CATSPERE: variants seen among roughly 807,000 people sequenced by gnomAD.
CATSPERE encodes cation channel sperm-associated auxiliary subunit epsilon.
A neutral mutation model predicts 114.1 loss-of-function variants in CATSPERE; 93 were observed. That is an observed-to-expected ratio of 0.81 (90% confidence interval 0.69 to 0.97). The LOEUF is 0.97. CATSPERE is among the 50% of genes least tolerant of loss of function. The probability of loss-of-function intolerance (pLI) is 0.00; values close to 1 mark genes in which losing one functional copy is unlikely to be tolerated. For missense variants in CATSPERE, 1,058 were observed against 1,131.6 expected, an observed-to-expected ratio of 0.93 and a Z score of 0.93; for synonymous variants, 341 against 384.1, an observed-to-expected ratio of 0.89 and a Z score of 1.31.
chr1:244,475,738 T>G (rs1322768263), intron 2 of CATSPERE, among the ~76,000 whole-genome samples: 1 of 151,820 alleles, frequency 6.6e-6, no homozygotes, highest in Non-Finnish European at 1.5e-5. Flanking sequence ...GGTTTCACCA[T>G]GTTGGCCAGG....
intron 20 of CATSPERE, among the ~76,000 whole-genome samples, chr1:244,632,400 A>AT (rs1478208665): frequency 1.3e-5 from 2 of 151,418 alleles, no homozygotes; most frequent in Non-Finnish European, 2.9e-5. Context: ...ACTCAAAAAA[A>AT]AAAAAAAAAT....
chr1:244,593,371 T>A, intron 15 of CATSPERE, 24 bp from the exon 16 acceptor site: 1 of 1,610,488 alleles, frequency 6.2e-7, no homozygotes, highest in Non-Finnish European at 8.5e-7. Context: ...GAAAGAGAAA[T>A]AATGAGGAAT....
Position 244,510,919 on chromosome 1 carries a change from C to T in CATSPERE, c.430-7673C>T, listed in dbSNP as rs1675649065. Among the ~76,000 whole-genome samples, 3 of 136,332 alleles carry T rather than the reference C, an allele frequency of 2.2e-5. No individual in the cohort carries two copies. The South Asian group carries it at 7.5e-4, about 34-fold the overall frequency. The allele number at this position is 136,332 out of a possible 152,430, so 89.4% of individuals were successfully genotyped here. A position where few individuals can be genotyped will look rare whatever the true frequency, so the allele number is the denominator to read the frequency against. On this transcript the variant is annotated intron_variant, in intron 7 of 21. Transcript: ENST00000366534. The stretch of plus-strand genomic sequence containing the variant: ...AGTGCAATGGCACCATCTTGGCTCA[C>T]TGCAACCTCCGCCTCCCAGGTTCAA...
Position 244,632,393 on chromosome 1 carries a change from C to CAAAAA in CATSPERE, c.2649-3084_2649-3080dup, listed in dbSNP as rs35948602. ...TGGGCAATAGAGTGAGACTCCAACT[C>CAAAAA]AAAAAAAAAAAAAAAATGAAAAAGA... is the stretch of plus-strand genomic sequence containing the variant. On this transcript the variant is annotated intron_variant, in intron 20 of 21. Coordinates refer to ENST00000366534, the MANE Select transcript of CATSPERE (RefSeq NM_001130957.2). Among the ~76,000 whole-genome samples the CAAAAA allele has an allele frequency of 2.6e-4, 28 of 109,380 alleles. No homozygotes were observed. The South Asian group carries it at 2.9e-3, about 11-fold the overall frequency. The allele number at this position is 109,380 out of a possible 152,430, so 71.8% of individuals were successfully genotyped here.
rs116711181 is a variant in CATSPERE at position 244,567,952 on chromosome 1, T to C, written c.1508-4378T>C. On this transcript the variant is annotated intron_variant, in intron 10 of 21. Coordinates refer to ENST00000366534, the MANE Select transcript of CATSPERE (RefSeq NM_001130957.2). ...TTTTTGAAATTTCAGTCTTTTTGCA[T>C]TGGTTTTTCTTCATCTTTGTGGATT... Among the ~76,000 whole-genome samples the C allele has an allele frequency of 1.0e-2, 1,518 of 152,258 alleles. 31 individuals carry two copies. Among genetic ancestry groups the C allele is most frequent in the African/African-American group, 0.034 (1,393 of 41,568 alleles).
chr1:244,562,258 AT>A (rs2148537024), intron 10 of CATSPERE, among the ~76,000 whole-genome samples: 1 of 152,212 alleles, frequency 6.6e-6, no homozygotes, highest in African/African-American at 2.4e-5. Flanking sequence ...TATAATAGAT[AT>A]AAAACGAATG....
chr1:244,568,414 C>A lies in CATSPERE; in HGVS notation c.1508-3916C>A, dbSNP rs1276390636. On this transcript the variant is annotated intron_variant, in intron 10 of 21. Coordinates refer to ENST00000366534, the MANE Select transcript of CATSPERE (RefSeq NM_001130957.2). This position sits in a 1 kb window ranked among gnomAD's most constrained non-coding sequence, Gnocchi z 4.4. ...CTTCTTCAGAGCTGGCTCACAGGAA[C>A]GTTTAAGTCTGCTGAAGCTGCGCCC... Among the ~76,000 whole-genome samples the A allele has an allele frequency of 6.6e-6, 1 of 152,330 alleles. No homozygotes were observed. The highest frequency in any genetic ancestry group is 1.5e-5 in the Non-Finnish European group (1 of 68,026).
chr1:244,632,250 C>T (rs1049340165), intron 20 of CATSPERE, among the ~76,000 whole-genome samples: 3 of 151,586 alleles, frequency 2.0e-5, no homozygotes, highest in African/African-American at 7.3e-5. Flanking sequence ...AAAAATTAGC[C>T]GGGCATGGTG....
At chr1:244,486,632 C>T (rs376299767) in intron 5 of CATSPERE, among the ~76,000 whole-genome samples, 1 of 106,226 alleles carries the variant, frequency 9.4e-6, no homozygotes, top group Non-Finnish European at 1.9e-5. Flanking sequence ...AGGTGTAGAC[C>T]CTCGTAGTCA....
At chr1:244,572,846 G>C in intron 11 of CATSPERE, 74 bp downstream of exon 11, 4 of 998,598 alleles carry the variant, frequency 4.0e-6, no homozygotes, top group Non-Finnish European at 5.5e-6. Context: ...TTTTGTAAAT[G>C]GATTTCCCTT....
chr1:244,474,595 T>C (rs1216987146), intron 2 of CATSPERE, among the ~76,000 whole-genome samples: 1 of 152,078 alleles, frequency 6.6e-6, no homozygotes, highest in Non-Finnish European at 1.5e-5. Flanking sequence ...TTTACTGTTA[T>C]TGCTCTGTTC....
chr1:244,481,797 A>G (rs1162336427), intron 5 of CATSPERE, among the ~76,000 whole-genome samples: 1 of 152,224 alleles, frequency 6.6e-6, no homozygotes, highest in Non-Finnish European at 1.5e-5. Flanking sequence ...GCGAGGACCC[A>G]GTGAGAAGAT....
chr1:244,458,917 G>T (rs1390955824), upstream of CATSPERE, among the ~76,000 whole-genome samples: 3 of 152,130 alleles, frequency 2.0e-5, no homozygotes. Flanking sequence ...GGGGAATCTG[G>T]CCTCATACCT....
At position 244,479,772 on chromosome 1, in the gene CATSPERE, AC is replaced by A. The variant is rs1355078268; in HGVS notation, c.315del (p.Tyr106IlefsTer38). 6.9e-6 allele frequency: 11 copies of A among 1,586,580 alleles called. No individual in the cohort carries two copies. Among genetic ancestry groups the A allele is most frequent in the Non-Finnish European group, 8.6e-6 (10 of 1,160,438 alleles). Reference sequence around the variant, plus strand: ...AGTTCTCATACTTGCTTTCTGTGGTACTATAGAGTTAGGTAAGTAATGCAGT... The same window carrying A: ...AGTTCTCATACTTGCTTTCTGTGGTATATAGAGTTAGGTAAGTAATGCAGT... ...VESSHTCFLW[Y>X]YRVRHFFNNF... is the part of the protein sequence containing the mutation. On this transcript the variant is annotated frameshift_variant, in exon 5 of 22. Coordinates refer to ENST00000366534, the MANE Select transcript of CATSPERE (RefSeq NM_001130957.2). LOFTEE classifies it high-confidence loss of function.
At chr1:244,490,400 G>A in intron 5 of CATSPERE, 47 bp from the exon 6 acceptor site, 3 of 1,355,958 alleles carry the variant, frequency 2.2e-6, no homozygotes, top group Non-Finnish European at 2.1e-6. Flanking sequence ...TCGACCTAAT[G>A]TTTAACAGGC....
chr1:244,549,255 G>A (rs775331844), intron 8 of CATSPERE, among the ~76,000 whole-genome samples: 19 of 152,196 alleles, frequency 1.2e-4, no homozygotes, highest in African/African-American at 2.4e-4. Context: ...AAAGAACCAT[G>A]ACCAGCTGAG....
chr1:244,577,789 A>G (rs1421824566), intron 11 of CATSPERE, among the ~76,000 whole-genome samples: 1 of 152,246 alleles, frequency 6.6e-6, no homozygotes, highest in Non-Finnish European at 1.5e-5. Flanking sequence ...TAGCACTATC[A>G]GTGTAATAAC....
chr1:244,518,113 T>G (rs777596066), intron 7 of CATSPERE, among the ~76,000 whole-genome samples: 3 of 152,202 alleles, frequency 2.0e-5, no homozygotes, highest in Non-Finnish European at 4.4e-5. Flanking sequence ...CTTCTCCTTA[T>G]GTATCATGAG....
At chr1:244,542,189 C>G (rs1658931480) in intron 8 of CATSPERE, among the ~76,000 whole-genome samples, 1 of 151,424 alleles carries the variant, frequency 6.6e-6, no homozygotes, top group Admixed American at 6.6e-5. Flanking sequence ...GTGTTCCAAC[C>G]AAGCCCTGGT....
Sources: allele counts gnomAD v4.1 joint callset (sites outside exome capture counted in the v4.1 genomes callset), GRCh38; gene constraint gnomAD v4.1.1; non-coding constraint Gnocchi (gnomAD v3.1); transcripts MANE v1.5; gene names NCBI Gene and HGNC (gene_info 2026-07-23, HGNC 2026-07-21).